Variants in MYO7A observed in about 807,000 individuals in gnomAD.
MYO7A encodes unconventional myosin-VIIa.
Under a neutral mutation model 263.8 loss-of-function variants are expected in MYO7A, and 210 were observed. That is an observed-to-expected ratio of 0.80 (90% CI 0.71 to 0.89). The LOEUF is 0.89. MYO7A is among the 40% of genes least tolerant of loss of function. MYO7A has a pLI of 0.00. For missense variants in MYO7A, 2,820 were observed against 2,968.3 expected (o/e 0.95, Z 1.16); for synonymous variants, 1,239 against 1,197.3 (o/e 1.03, Z -0.72).
chr11:77,205,496 C>A lies in MYO7A; in HGVS notation c.5515C>A (p.Leu1839Met), dbSNP rs1296298563. Residue 1839 changes from leucine to methionine, a missense_variant, in exon 40 of 49, where the codon CTG becomes ATG. Transcript: ENST00000409709. ...SEERGWELLW[L>M]CTGLFPPSNI... is the part of the protein sequence containing the mutation. ...GGAGCGGGGTTGGGAGCTGCTCTGG[C>A]TGTGCACGGGCCTTTTCCCACCCAG... 6.3e-7 allele frequency: 1 copy of A among 1,592,498 alleles called. No individual in the cohort carries two copies. Among genetic ancestry groups the A allele is most frequent in the Admixed American group, 1.8e-5 (1 of 57,022 alleles).
intron 4 of MYO7A, among the ~76,000 whole-genome samples, chr11:77,153,515 C>A (rs1356333173): frequency 1.3e-5 from 2 of 152,110 alleles, no homozygotes; most frequent in Non-Finnish European, 2.9e-5. Context: ...CAGCCCTGGG[C>A]CAGCTTCTCA....
chr11:77,182,408 G>A lies in MYO7A; in HGVS notation c.3109-16G>A. 12 of 1,606,780 alleles carry A rather than the reference G, an allele frequency of 7.5e-6. No homozygotes were observed. Among genetic ancestry groups the A allele is most frequent in the Non-Finnish European group, 9.3e-6 (11 of 1,176,494 alleles). On this transcript the variant is annotated splice_polypyrimidine_tract_variant and intron_variant, in intron 24 of 48. Transcript: ENST00000409709. ...TGTCCTCCGCTCTGGCCTCTGACAT[G>A]CGCGCTCTGCCCCAGGCAGCCCTGG...
At position 77,189,376 on chromosome 11, in the gene MYO7A, T is replaced by A. The variant is rs199918940; in HGVS notation, c.3536T>A (p.Leu1179Gln). The change falls in exon 28 of 49, where the codon CTG (leucine) becomes CAG (glutamine). Residue 1179 changes from leucine (L) to glutamine (Q), a missense_variant. Coordinates refer to ENST00000409709, the MANE Select transcript of MYO7A (RefSeq NM_000260.4). ...DEIYCQISKQ[L>Q]THNPSKSSYA... The stretch of plus-strand genomic sequence containing the variant: ...ATCTACTGCCAGATCAGCAAGCAGC[T>A]GACCCACAACCCCTCCAAGAGCAGC... The A allele has an allele frequency of 1.9e-4, 309 of 1,613,678 alleles. No homozygotes were observed. Among genetic ancestry groups the A allele is most frequent in the Non-Finnish European group, 2.1e-4 (243 of 1,179,884 alleles).
chr11:77,201,532 C>G lies in MYO7A; in HGVS notation c.4937C>G (p.Ser1646Trp), dbSNP rs369739170. 1.1e-5 allele frequency: 17 copies of G among 1,613,826 alleles called. No homozygotes were observed. Among genetic ancestry groups the G allele is most frequent in the Non-Finnish European group, 1.4e-5 (17 of 1,179,898 alleles). ...DHDTGEQVMNSGWANGINERT... is the reference protein window; with the variant it reads ...DHDTGEQVMNWGWANGINERT... Reference sequence around the variant, plus strand: ...GACACGGGCGAGCAGGTCATGAACTCGGGCTGGGCCAACGGCATCAATGAG... The same window carrying G: ...GACACGGGCGAGCAGGTCATGAACTGGGGCTGGGCCAACGGCATCAATGAG... Residue 1646 changes from serine (S) to tryptophan (W), a missense_variant, in exon 36 of 49, where the codon TCG becomes TGG. Ser to Trp is a radical substitution (Grantham distance 177). Transcript: ENST00000409709.
rs571216295 is a variant in MYO7A, at chr11:77,186,899, T to C, written c.3503+2184T>C. On this transcript the variant is annotated intron_variant, in intron 27 of 48. Coordinates refer to ENST00000409709, the MANE Select transcript of MYO7A (RefSeq NM_000260.4). ...ACATGCTTTCCTCTCTAATCATTTC[T>C]AGCTTTTGATTAAAAGTGAAAAATG... 2.7e-4 allele frequency among the ~76,000 whole-genome samples: 41 copies of C among 152,362 alleles called. No individual in the cohort carries two copies. The South Asian group carries it at 8.5e-3, about 32-fold the overall frequency.
At chr11:77,167,625 C>T (rs1197620850) in intron 15 of MYO7A, among the ~76,000 whole-genome samples, 3 of 152,176 alleles carry the variant, frequency 2.0e-5, no homozygotes, top group African/African-American at 7.2e-5. Context: ...CCCTTAGCAA[C>T]AGCATGGTGC....
rs115123584 is a variant in MYO7A at position 77,203,215 on chromosome 11, T to A, written c.5324T>A (p.Ile1775Asn). Residue 1775 changes from isoleucine to asparagine, a missense_variant and splice_region_variant, in exon 38 of 49, where the codon ATT (isoleucine) becomes AAT (asparagine). Physicochemically the swap from Ile to Asn is moderately radical, Grantham distance 149. Coordinates refer to ENST00000409709, the MANE Select transcript of MYO7A (RefSeq NM_000260.4). ...TCGCAGGAGGCCTGCCTGGCCTTCA[T>A]TGATATCCGTGCCACTGGGCTGTGC... Reference protein sequence around the residue: ...ELSQEACLAFIAVLKYMGDYP... With the variant: ...ELSQEACLAFNAVLKYMGDYP... 6.4e-6 allele frequency: 10 copies of A among 1,552,964 alleles called. No homozygotes were observed. Among genetic ancestry groups the A allele is most frequent in the Admixed American group, 1.9e-5 (1 of 51,662 alleles).
At chr11:77,161,460 G>C (rs1393568737) in intron 12 of MYO7A, among the ~76,000 whole-genome samples, 2 of 152,216 alleles carry the variant, frequency 1.3e-5, no homozygotes, top group Non-Finnish European at 2.9e-5. Context: ...CGCTTGTGTT[G>C]GGGTCTCCGC....
At position 77,172,826 on chromosome 11, in the gene MYO7A, G is replaced by A. The variant is rs1555077208; in HGVS notation, c.1876G>A (p.Gly626Ser). 2 of 1,552,908 alleles carry A rather than the reference G, an allele frequency of 1.3e-6. No homozygotes were observed. The highest frequency in any genetic ancestry group is 1.2e-5 in the South Asian group (1 of 84,088). Residue 626 changes from glycine to serine, a missense_variant, in exon 16 of 49, where the codon GGT (glycine) becomes AGT (serine). By Grantham distance (56) the Gly-to-Ser change is moderately conservative (BLOSUM62 0). Coordinates refer to ENST00000409709, the MANE Select transcript of MYO7A (RefSeq NM_000260.4). Reference protein sequence around the residue: ...RSLELLMRTLGACQPFFVRCI... With the variant: ...RSLELLMRTLSACQPFFVRCI... ...ACTGGAGCTGCTGATGCGCACGCTG[G>A]GTGCCTGCCAGCCCTTCTTTGTGCG...
chr11:77,202,848 C>T (rs1417250254), intron 37 of MYO7A, among the ~76,000 whole-genome samples: 1 of 151,898 alleles, frequency 6.6e-6, no homozygotes, highest in African/African-American at 2.4e-5. Flanking sequence ...GTGGTGTTCT[C>T]GCCGCTGGGG....
rs112969118 is a variant in MYO7A at position 77,201,658 on chromosome 11, C to T, written c.5043+20C>T. ...ATTGTGGTATGTGGCCTGGGGGTGG[C>T]AGATGGGTGGGAGGTGCCATTAGAC... is the stretch of plus-strand genomic sequence containing the variant. On this transcript the variant is annotated intron_variant, in intron 36 of 48. Coordinates refer to ENST00000409709, the MANE Select transcript of MYO7A (RefSeq NM_000260.4). 4,170 of 1,608,268 alleles carry T rather than the reference C, an allele frequency of 2.6e-3. 70 individuals are homozygous for T. In the African/African-American group the frequency reaches 0.043, roughly 17 times the overall value.
chr11:77,168,915 A>C (rs1166351445), intron 15 of MYO7A, among the ~76,000 whole-genome samples: 1 of 152,224 alleles, frequency 6.6e-6, no homozygotes. Flanking sequence ...GACTTGTCTA[A>C]GGCCATATAC....
chr11:77,187,511 C>A (rs1955733803), intron 27 of MYO7A, among the ~76,000 whole-genome samples: 1 of 152,162 alleles, frequency 6.6e-6, no homozygotes, highest in Non-Finnish European at 1.5e-5. Flanking sequence ...TTTAACCCCG[C>A]TGCCGCCAGC....
intron 2 of MYO7A, among the ~76,000 whole-genome samples, chr11:77,132,015 C>T (rs1219392929): frequency 2.0e-5 from 3 of 152,128 alleles, no homozygotes; most frequent in South Asian, 4.2e-4. Context: ...CCACAGCTGC[C>T]GATGAGAGGC....
intron 17 of MYO7A, 112 bp from the exon 18 acceptor site, chr11:77,175,260 G>T (rs2276284): frequency 8.1e-6 from 8 of 985,176 alleles, no homozygotes; most frequent in African/African-American, 1.6e-5. Context: ...GTCACACTTC[G>T]AGTCAGGGGC....
intron 26 of MYO7A, among the ~76,000 whole-genome samples, chr11:77,183,982 G>A (rs910755765): frequency 1.2e-4 from 19 of 152,172 alleles, no homozygotes; most frequent in African/African-American, 4.3e-4. Context: ...AGAAATGGCA[G>A]CCGAGGGTGT....
intron 46 of MYO7A, chr11:77,212,515 C>G (rs1591511438): frequency 2.9e-6 from 1 of 340,334 alleles, no homozygotes; most frequent in African/African-American, 2.1e-5. Flanking sequence ...CAGAAAGCCT[C>G]TCAGGCTGCG....
chr11:77,213,276 C>T (rs756615902), intron 47 of MYO7A, among the ~76,000 whole-genome samples: 6 of 152,240 alleles, frequency 3.9e-5, no homozygotes, highest in Non-Finnish European at 8.8e-5. Context: ...CCCTTTAGTA[C>T]TTGGCCTTTC....
At chr11:77,187,870 C>T (rs1555089269) in intron 27 of MYO7A, among the ~76,000 whole-genome samples, 1 of 152,176 alleles carries the variant, frequency 6.6e-6, no homozygotes, top group East Asian at 1.9e-4. Flanking sequence ...AAGAGATTTG[C>T]CCAGGGGTCA....
Sources: gnomAD v4.1 joint callset for allele counts (sites outside exome capture counted in the v4.1 genomes callset) on GRCh38, gnomAD v4.1.1 for gene constraint, MANE v1.5 for transcripts, NCBI Gene and HGNC (gene_info 2026-07-23, HGNC 2026-07-21) for gene names.